The following CHAF1B variants were observed in gnomAD, a reference collection of about 807,000 sequenced individuals.
The protein encoded by CHAF1B is chromatin assembly factor 1 subunit B, also known as CAF-1 subunit B.
In CHAF1B, 10 loss-of-function variants were observed where a neutral mutation model predicts 60.7. The ratio of observed to expected loss-of-function variants is 0.16; its 90% CI spans 0.10 to 0.28. The LOEUF is 0.28. Among genes scored for constraint, CHAF1B ranks in the 10% least tolerant of loss-of-function variants. The pLI is 1.00. For synonymous variants in CHAF1B, 261 were observed against 266.1 expected, an observed-to-expected ratio of 0.98 and a Z score of 0.19; for missense variants, 558 against 708.4, an observed-to-expected ratio of 0.79 and a Z score of 2.41.
At chr21:36,399,274 G>A (rs555748285) in intron 6 of CHAF1B, among the ~76,000 whole-genome samples, 1 of 152,150 alleles carries the variant, frequency 6.6e-6, no homozygotes, top group South Asian at 2.1e-4. Flanking sequence ...GACCTCAAGT[G>A]ATTCACCCGC....
At chr21:36,413,538 A>G (rs2086295382) in intron 12 of CHAF1B, among the ~76,000 whole-genome samples, 1 of 152,114 alleles carries the variant, frequency 6.6e-6, no homozygotes, top group African/African-American at 2.4e-5. Context: ...GCTCCTATGC[A>G]CACACACAGA....
rs2086290850 is a variant in CHAF1B at position 36,413,122 on chromosome 21, C to G, written c.1300C>G (p.Pro434Ala). 2 of 1,614,066 alleles carry G rather than the reference C, an allele frequency of 1.2e-6. No homozygotes were observed. The highest frequency in any genetic ancestry group is 1.7e-6 in the Non-Finnish European group (2 of 1,179,996). ...AGACCCCAGCAGCCCCGGCACGACT[C>G]CCCCTCAGGCCAGACAGGCCCCAGC... Reference protein sequence around the residue: ...TQDPSSPGTTPPQARQAPAPT... With the variant: ...TQDPSSPGTTAPQARQAPAPT... Residue 434 changes from proline (P) to alanine (A), a missense_variant, in exon 12 of 14, where the codon CCC becomes GCC. Pro to Ala is a conservative substitution (Grantham distance 27, BLOSUM62 -1). This residue lies in a region of CHAF1B where 233 missense variants were observed against 214.9 expected (regional missense o/e 1.08). Transcript: ENST00000314103.
intron 5 of CHAF1B, among the ~76,000 whole-genome samples, chr21:36,396,427 A>C (rs989326150): frequency 1.3e-5 from 2 of 149,096 alleles, no homozygotes; most frequent in Non-Finnish European, 3.0e-5. Context: ...TAATCCCAGC[A>C]CTTTGGGAGG....
Position 36,409,471 on chromosome 21 carries a change from C to T in CHAF1B, c.919+6C>T, listed in dbSNP as rs2086261030. 1.2e-6 allele frequency: 2 copies of T among 1,603,902 alleles called. No homozygotes were observed. The highest frequency in any genetic ancestry group is 2.7e-5 in the African/African-American group (2 of 74,620). On this transcript the variant is annotated splice_donor_region_variant and intron_variant, in intron 10 of 13. Coordinates refer to ENST00000314103, the MANE Select transcript of CHAF1B (RefSeq NM_005441.3). ...GAGGCCAGTGGTGGAAACAGGTATC[C>T]TCAGAGCCTCAGGGGTGTGTTATGT...
Position 36,402,860 on chromosome 21 carries a change from C to A in CHAF1B, c.757+9C>A. On this transcript the variant is annotated intron_variant, in intron 8 of 13. Coordinates refer to ENST00000314103, the MANE Select transcript of CHAF1B (RefSeq NM_005441.3). ...TTTGCTTCTCACGCCAGGTGTGTTT[C>A]GTAGCTTTGGACTTAAAGGAATGAT... The A allele has an allele frequency of 6.2e-7, 1 of 1,609,074 alleles. No homozygotes were observed.
intron 6 of CHAF1B, chr21:36,398,162 C>T (rs2086158270): frequency 6.6e-6 from 1 of 151,776 alleles, no homozygotes; most frequent in South Asian, 2.1e-4. Flanking sequence ...GAGCAATCCT[C>T]ATGCTTCAGC....
At chr21:36,406,828 A>C (rs940939249) in intron 8 of CHAF1B, among the ~76,000 whole-genome samples, 1 of 152,306 alleles carries the variant, frequency 6.6e-6, no homozygotes, top group East Asian at 1.9e-4. Flanking sequence ...GGAGGACTCT[A>C]TTATTGAATG....
intron 3 of CHAF1B, among the ~76,000 whole-genome samples, chr21:36,389,800 T>TGTGTGTGTGTGCGCGCGCGCGC: frequency 6.4e-5 from 8 of 124,798 alleles, no homozygotes; most frequent in African/African-American, 2.5e-4. Context: ...TGTGTGTGTG[T>TGTGTGTGTGTGCGCGCGCGCGC]GCGCGCGCAC....
At position 36,389,800 on chromosome 21, in the gene CHAF1B, T is replaced by TGTGTGTGTGTGCGCGCGCGC; in HGVS notation, c.260-1750_260-1749insTGTGTGTGTGCGCGCGCGCG. On this transcript the variant is annotated intron_variant, in intron 3 of 13. Transcript: ENST00000314103. Reference sequence around the variant, plus strand: ...GTGTGTGTGTGTGTGTGTGTGTGTGTGCGCGCGCACGCTGATTTGTAGAGG... The same window carrying TGTGTGTGTGTGCGCGCGCGC: ...GTGTGTGTGTGTGTGTGTGTGTGTGTGTGTGTGTGTGCGCGCGCGCGCGCGCGCACGCTGATTTGTAGAGG... Among the ~76,000 whole-genome samples, 86 of 124,790 alleles carry TGTGTGTGTGTGCGCGCGCGC rather than the reference T, an allele frequency of 6.9e-4. 1 individual carries two copies. Among genetic ancestry groups the TGTGTGTGTGTGCGCGCGCGC allele is most frequent in the Admixed American group, 8.3e-4 (11 of 13,182 alleles). The allele number at this position is 124,790 out of a possible 152,430, so 81.9% of individuals were successfully genotyped here.
chr21:36,387,488 T>A, intron 2 of CHAF1B, 110 bp from the exon 3 acceptor site: 1 of 1,399,338 alleles, frequency 7.1e-7, no homozygotes. Flanking sequence ...CCTAAACTGC[T>A]GGGATTACAG....
chr21:36,404,412 T>A lies in CHAF1B; in HGVS notation c.757+1561T>A, dbSNP rs559320432. On this transcript the variant is annotated intron_variant, in intron 8 of 13. Transcript: ENST00000314103. ...CCACGCCCGGCCCTTTTTTTTTTTT[T>A]AAATTATTTATTTTATTTATTTATT... 1.6e-3 allele frequency among the ~76,000 whole-genome samples: 246 copies of A among 149,646 alleles called. 2 individuals carry two copies. Among genetic ancestry groups the A allele is most frequent in the East Asian group, 0.014 (72 of 5,144 alleles).
At chr21:36,414,911 C>A (rs1329216262) in intron 12 of CHAF1B, among the ~76,000 whole-genome samples, 1 of 152,192 alleles carries the variant, frequency 6.6e-6, no homozygotes, top group African/African-American at 2.4e-5. Context: ...TCTTGCCCGG[C>A]CCAACGCTCT....
intron 3 of CHAF1B, 41 bp from the exon 4 acceptor site, chr21:36,391,510 G>A (rs1179193885): frequency 8.8e-7 from 1 of 1,132,334 alleles, no homozygotes; most frequent in Non-Finnish European, 1.3e-6. Context: ...ATGAAGGAGT[G>A]TGGGTGAAGC....
In CHAF1B at chr21:36,406,360, A is replaced by G. The variant is rs989201611; in HGVS notation, c.758-2401A>G. 2.0e-5 allele frequency among the ~76,000 whole-genome samples: 3 copies of G among 152,134 alleles called. No individual in the cohort carries two copies. The South Asian group carries it at 6.2e-4, about 32-fold the overall frequency. ...GAGAGCATTGGCGTGATCTTGGCTCACTGCAACCTCCATCTCCTGAGTTCA... is the reference window on the plus strand; with the variant it reads ...GAGAGCATTGGCGTGATCTTGGCTCGCTGCAACCTCCATCTCCTGAGTTCA... On this transcript the variant is annotated intron_variant, in intron 8 of 13. Transcript: ENST00000314103.
chr21:36,403,285 C>A, intron 8 of CHAF1B, among the ~76,000 whole-genome samples: 1 of 151,326 alleles, frequency 6.6e-6, no homozygotes. Context: ...TGGTGAAACA[C>A]CCTCTCTATT....
At chr21:36,404,904 C>G (rs113265788) in intron 8 of CHAF1B, among the ~76,000 whole-genome samples, 1 of 151,664 alleles carries the variant, frequency 6.6e-6, no homozygotes, top group South Asian at 2.1e-4. Flanking sequence ...CCACCACAAC[C>G]AGATAATTTT....
intron 6 of CHAF1B, among the ~76,000 whole-genome samples, chr21:36,398,429 G>A (rs572744207): frequency 1.3e-5 from 2 of 151,804 alleles, no homozygotes; most frequent in South Asian, 2.1e-4. Flanking sequence ...GTGCGATCTC[G>A]GCATACTGTA....
chr21:36,399,712 G>A (rs969818491), intron 7 of CHAF1B, 107 bp downstream of exon 7: 2 of 861,454 alleles, frequency 2.3e-6, no homozygotes, highest in Non-Finnish European at 3.8e-6. Context: ...ACAAAGAGCC[G>A]ATTCCAGAAC....
At chr21:36,415,531 C>T (rs2086311390) in intron 13 of CHAF1B, 142 bp downstream of exon 13, 1 of 649,174 alleles carries the variant, frequency 1.5e-6, no homozygotes, top group African/African-American at 1.8e-5. Context: ...TTTAAACCCG[C>T]CGGCTGCCTG....
Sources: gnomAD v4.1 joint callset for allele counts (sites outside exome capture counted in the v4.1 genomes callset) on GRCh38, gnomAD v4.1.1 for gene constraint, gnomAD v4.1.1 regional missense constraint, MANE v1.5 for transcripts, NCBI Gene and HGNC (gene_info 2026-07-23, HGNC 2026-07-21) for gene names.